Variants in ADAMTS19 observed in about 807,000 individuals in gnomAD.
The protein encoded by ADAMTS19 is A disintegrin and metalloproteinase with thrombospondin motifs 19.
ADAMTS19 carries 93 observed loss-of-function variants against 153.3 expected under a neutral mutation model. That is an observed-to-expected ratio of 0.61 (90% CI 0.51 to 0.72). ADAMTS19 has a LOEUF of 0.72. Ranked by LOEUF, ADAMTS19 falls within the 30% of genes least tolerant of loss-of-function variation. The pLI is 0.00. For missense variants in ADAMTS19, 1,482 were observed against 1,552.1 expected (o/e 0.95, Z 0.76); for synonymous variants, 600 against 556.6 (o/e 1.08, Z -1.10).
chr5:129,721,587 C>CTTT (rs113530812), intron 21 of ADAMTS19, among the ~76,000 whole-genome samples: 62 of 149,054 alleles, frequency 4.2e-4, no homozygotes, highest in African/African-American at 1.5e-3. Context: ...AAACCAAGGT[C>CTTT]TTTTTTTTTT....
rs529553574 is a variant in ADAMTS19, at chr5:129,619,595, G to A, written c.1479-1023G>A. 1.2e-3 allele frequency among the ~76,000 whole-genome samples: 187 copies of A among 152,148 alleles called. 2 individuals are homozygous for A. Among genetic ancestry groups the A allele is most frequent in the Admixed American group, 1.9e-3 (29 of 15,234 alleles). ...AATGAGAAAACATAGGAATGGCATA[G>A]GCAGATTGTGTTTTAAATAGATCTC... On this transcript the variant is annotated intron_variant, in intron 8 of 22. Coordinates refer to ENST00000274487, the MANE Select transcript of ADAMTS19 (RefSeq NM_133638.6).
intron 7 of ADAMTS19, among the ~76,000 whole-genome samples, chr5:129,586,399 G>T (rs925676951): frequency 2.0e-5 from 3 of 152,090 alleles, no homozygotes; most frequent in African/African-American, 7.2e-5. Context: ...GCCTTTTTCA[G>T]AATGTTACAT....
intron 6 of ADAMTS19, among the ~76,000 whole-genome samples, chr5:129,532,539 T>C (rs1752247830): frequency 6.6e-6 from 1 of 152,202 alleles, no homozygotes; most frequent in African/African-American, 2.4e-5. Flanking sequence ...TAGTTTCTTA[T>C]AAAGTTAAAC....
At chr5:129,578,588 C>G (rs991033602) in intron 7 of ADAMTS19, among the ~76,000 whole-genome samples, 31 of 151,898 alleles carry the variant, frequency 2.0e-4, no homozygotes, top group Admixed American at 6.6e-5. Context: ...TATGCTATCC[C>G]TCCCTTAACC....
At chr5:129,681,831 T>C (rs978406288) in intron 17 of ADAMTS19, among the ~76,000 whole-genome samples, 1 of 152,310 alleles carries the variant, frequency 6.6e-6, no homozygotes, top group African/African-American at 2.4e-5. Flanking sequence ...CTCTGCCTTA[T>C]GCCATCTAGC....
chr5:129,613,529 T>C (rs1751342382), intron 8 of ADAMTS19, among the ~76,000 whole-genome samples: 1 of 151,786 alleles, frequency 6.6e-6, no homozygotes, highest in Admixed American at 6.6e-5. Flanking sequence ...GGGACACATT[T>C]AAAGCAGTGT....
At chr5:129,518,831 T>G (rs971576459) in intron 3 of ADAMTS19, among the ~76,000 whole-genome samples, 1 of 152,180 alleles carries the variant, frequency 6.6e-6, no homozygotes, top group Admixed American at 6.6e-5. Context: ...ATATTTGCCC[T>G]TTTGAGGCAA....
At position 129,484,102 on chromosome 5, in the gene ADAMTS19, C is replaced by G. The variant is rs534419303; in HGVS notation, c.747+22345C>G. Among the ~76,000 whole-genome samples the G allele has an allele frequency of 3.5e-4, 54 of 152,234 alleles. No homozygotes were observed. In the Middle Eastern group the frequency reaches 0.01, roughly 29 times the overall value. ...CGTGAATTTTTAATGTTTATTTCCA[C>G]AATTTACATTTTTTCTTTTGTGCAT... is the stretch of plus-strand genomic sequence containing the variant. On this transcript the variant is annotated intron_variant, in intron 2 of 22. Transcript: ENST00000274487.
At chr5:129,623,120 C>G (rs759734969) in intron 10 of ADAMTS19, among the ~76,000 whole-genome samples, 1 of 151,862 alleles carries the variant, frequency 6.6e-6, no homozygotes. Context: ...TTTATAGGAA[C>G]AAAAATTAAG....
intron 16 of ADAMTS19, among the ~76,000 whole-genome samples, chr5:129,670,215 AT>A (rs1458303055): frequency 2.6e-5 from 4 of 151,810 alleles, no homozygotes; most frequent in African/African-American, 9.7e-5. Context: ...TGAATTTTTT[AT>A]TTGTTTAAAT....
At chr5:129,566,216 A>G (rs1409572198) in intron 7 of ADAMTS19, among the ~76,000 whole-genome samples, 2 of 152,306 alleles carry the variant, frequency 1.3e-5, no homozygotes, top group South Asian at 2.1e-4. Flanking sequence ...AAGTAGTTGG[A>G]CAGTGGAAAT....
At chr5:129,686,208 C>T (rs1478494549) in intron 18 of ADAMTS19, among the ~76,000 whole-genome samples, 6 of 151,976 alleles carry the variant, frequency 3.9e-5, no homozygotes, top group Non-Finnish European at 1.5e-5. Flanking sequence ...TTGGAAATTG[C>T]CAAGTGAGTA....
chr5:129,624,069 G>A (rs1156310535), intron 10 of ADAMTS19, among the ~76,000 whole-genome samples: 3 of 141,020 alleles, frequency 2.1e-5, no homozygotes, highest in Non-Finnish European at 3.0e-5. Flanking sequence ...GGAGCTTGCA[G>A]TGAGCCGAGA....
At chr5:129,593,354 T>C (rs1750232400) in intron 7 of ADAMTS19, among the ~76,000 whole-genome samples, 1 of 152,204 alleles carries the variant, frequency 6.6e-6, no homozygotes, top group African/African-American at 2.4e-5. Flanking sequence ...CCCAACACTA[T>C]TTAATAATGA....
At chr5:129,530,678 A>G (rs1033894849) in intron 6 of ADAMTS19, among the ~76,000 whole-genome samples, 1 of 152,164 alleles carries the variant, frequency 6.6e-6, no homozygotes, top group South Asian at 2.1e-4. Context: ...CTATCGAAAC[A>G]TATATCTACA....
At chr5:129,619,582 T>C (rs1478734261) in intron 8 of ADAMTS19, among the ~76,000 whole-genome samples, 1 of 151,936 alleles carries the variant, frequency 6.6e-6, no homozygotes, top group Non-Finnish European at 1.5e-5. Flanking sequence ...TGAGAAAACA[T>C]AGGAATGGCA....
chr5:129,543,012 T>C (rs754370656), intron 6 of ADAMTS19, among the ~76,000 whole-genome samples: 1 of 150,746 alleles, frequency 6.6e-6, no homozygotes, highest in Non-Finnish European at 1.5e-5. Flanking sequence ...TTAACTAGTT[T>C]TTGTTGTTGT....
intron 2 of ADAMTS19, among the ~76,000 whole-genome samples, chr5:129,495,915 A>G (rs1750913392): frequency 6.6e-6 from 1 of 152,084 alleles, no homozygotes; most frequent in Non-Finnish European, 1.5e-5. Context: ...AAGAGATTAC[A>G]ATAGATTTTT....
chr5:129,622,488 G>A, intron 10 of ADAMTS19, 140 bp downstream of exon 10: 3 of 1,012,744 alleles, frequency 3.0e-6, no homozygotes, highest in Non-Finnish European at 4.2e-6. Flanking sequence ...GAAAAGGTTT[G>A]TGCATTTTTT....
Sources: allele counts gnomAD v4.1 joint callset (sites outside exome capture counted in the v4.1 genomes callset), GRCh38; gene constraint gnomAD v4.1.1; transcripts MANE v1.5; gene names NCBI Gene and HGNC (gene_info 2026-07-23, HGNC 2026-07-21).